The following SETBP1 variants were observed in gnomAD, a reference collection of about 807,000 sequenced individuals.
SETBP1 encodes the protein SET binding protein 1.
A neutral mutation model predicts 101.0 loss-of-function variants in SETBP1; 9 were observed. The ratio of observed to expected loss-of-function variants is 0.09; its 90% CI spans 0.05 to 0.16. SETBP1 has a LOEUF of 0.16. Among genes scored for constraint, SETBP1 ranks in the 10% least tolerant of loss-of-function variants. The pLI, the probability that SETBP1 is intolerant of heterozygous loss-of-function variation, is 1.00. For synonymous variants in SETBP1, 818 were observed against 788.5 expected (o/e 1.04, Z -0.63); for missense variants, 1,858 against 2,033.8 (o/e 0.91, Z 1.66).
chr18:44,997,884 T>C (rs988155664), intron 4 of SETBP1, among the ~76,000 whole-genome samples: 4 of 152,204 alleles, frequency 2.6e-5, no homozygotes, highest in South Asian at 2.1e-4. Context: ...ATAGTCTTAA[T>C]GCGTAGGAAC....
At chr18:45,002,062 G>A (rs368828711) in intron 4 of SETBP1, among the ~76,000 whole-genome samples, 8 of 152,168 alleles carry the variant, frequency 5.3e-5, no homozygotes, top group African/African-American at 1.2e-4. Flanking sequence ...GAAAAGCTTC[G>A]CTTCCGTACA....
chr18:44,721,277 A>C (rs1264958884), intron 2 of SETBP1, among the ~76,000 whole-genome samples: 1 of 152,216 alleles, frequency 6.6e-6, no homozygotes, highest in Non-Finnish European at 1.5e-5. Context: ...CTGGGTATGC[A>C]CAAAGGTCCT....
intron 3 of SETBP1, among the ~76,000 whole-genome samples, chr18:44,911,712 A>T (rs191841479): frequency 6.6e-6 from 1 of 152,214 alleles, no homozygotes. Flanking sequence ...GAGCTCTCCA[A>T]TGAAATCGTT....
At chr18:44,751,041 T>A (rs2070370122) in intron 2 of SETBP1, among the ~76,000 whole-genome samples, 1 of 152,124 alleles carries the variant, frequency 6.6e-6, no homozygotes, top group South Asian at 2.1e-4. Context: ...CAGCCTGGTA[T>A]TTGGGGGTCA....
intron 5 of SETBP1, among the ~76,000 whole-genome samples, chr18:45,043,741 C>A (rs553699717): frequency 4.1e-4 from 63 of 152,248 alleles, no homozygotes; most frequent in Non-Finnish European, 8.4e-4. Context: ...AGCCATCAGT[C>A]GAATCAGAAC....
intron 2 of SETBP1, among the ~76,000 whole-genome samples, chr18:44,804,628 A>G (rs906426394): frequency 6.6e-6 from 1 of 152,142 alleles, no homozygotes. Flanking sequence ...CATAATTCTC[A>G]TGGTCTATGA....
At chr18:44,998,821 G>A (rs557100313) in intron 4 of SETBP1, among the ~76,000 whole-genome samples, 34 of 152,172 alleles carry the variant, frequency 2.2e-4, no homozygotes, top group Non-Finnish European at 4.1e-4. Flanking sequence ...TGTTTTATGA[G>A]AAACAGTTCT....
In SETBP1 at chr18:44,718,850, C is replaced by T. The variant is rs781106315; in HGVS notation, c.486+17018C>T. On this transcript the variant is annotated intron_variant, in intron 2 of 5. Coordinates refer to ENST00000649279, the MANE Select transcript of SETBP1 (RefSeq NM_015559.3). ...GATACTCTATAAGCAGAAAGCACCTCGTAGTATCTCAACTAGGACAGAGGA... is the reference window on the plus strand; with the variant it reads ...GATACTCTATAAGCAGAAAGCACCTTGTAGTATCTCAACTAGGACAGAGGA... Among the ~76,000 whole-genome samples the T allele has an allele frequency of 2.6e-5, 4 of 152,002 alleles. No individual in the cohort carries two copies. In the East Asian group the frequency reaches 5.8e-4, roughly 22 times the overall value.
intron 2 of SETBP1, among the ~76,000 whole-genome samples, chr18:44,710,541 TTC>T (rs1317694828): frequency 2.1e-5 from 3 of 144,962 alleles, no homozygotes; most frequent in African/African-American, 7.7e-5. Context: ...AATTTCTGCC[TTC>T]CAGGTTGAAG....
At chr18:44,787,711 G>A (rs1243411890) in intron 2 of SETBP1, among the ~76,000 whole-genome samples, 14 of 145,606 alleles carry the variant, frequency 9.6e-5, no homozygotes, top group East Asian at 5.9e-4. Context: ...AAAATTAGCC[G>A]GGCGCGGTGG....
chr18:44,794,774 G>A (rs1300183532), intron 2 of SETBP1, among the ~76,000 whole-genome samples: 1 of 152,132 alleles, frequency 6.6e-6, no homozygotes, highest in Non-Finnish European at 1.5e-5. Context: ...TCAATAAATG[G>A]TATTGGGTAG....
At chr18:44,789,590 C>T (rs905181800) in intron 2 of SETBP1, among the ~76,000 whole-genome samples, 4 of 152,140 alleles carry the variant, frequency 2.6e-5, no homozygotes, top group African/African-American at 7.2e-5. Flanking sequence ...ATTTATATTC[C>T]TATTTGGGTA....
At chr18:44,859,502 A>G (rs962293217) in intron 2 of SETBP1, among the ~76,000 whole-genome samples, 2 of 152,200 alleles carry the variant, frequency 1.3e-5, no homozygotes, top group Admixed American at 1.3e-4. Flanking sequence ...CTATGTCCAC[A>G]TTCCAGTTCT....
At chr18:45,000,162 A>C (rs2072587975) in intron 4 of SETBP1, among the ~76,000 whole-genome samples, 1 of 152,220 alleles carries the variant, frequency 6.6e-6, no homozygotes, top group Non-Finnish European at 1.5e-5. Flanking sequence ...ATTTGGCATA[A>C]AGTTGTCTAG....
chr18:44,819,600 G>T (rs2072060220), intron 2 of SETBP1, among the ~76,000 whole-genome samples: 1 of 152,074 alleles, frequency 6.6e-6, no homozygotes, highest in African/African-American at 2.4e-5. Context: ...GCCTGCTCAT[G>T]GTCCCATGCA....
intron 3 of SETBP1, among the ~76,000 whole-genome samples, chr18:44,911,421 G>C (rs567871323): frequency 6.6e-6 from 1 of 152,102 alleles, no homozygotes; most frequent in Non-Finnish European, 1.5e-5. Flanking sequence ...CTGGTTCTTC[G>C]TCCTGCAAAT....
chr18:44,841,545 A>C (rs1786187513), intron 2 of SETBP1, among the ~76,000 whole-genome samples: 1 of 152,190 alleles, frequency 6.6e-6, no homozygotes, highest in Non-Finnish European at 1.5e-5. Context: ...AAAACCATCC[A>C]TGGCCAAACT....
intron 4 of SETBP1, among the ~76,000 whole-genome samples, chr18:45,009,066 T>A (rs932613594): frequency 2.0e-5 from 3 of 152,058 alleles, no homozygotes; most frequent in African/African-American, 7.2e-5. Context: ...TAATGAGGGC[T>A]CCTCAGAAGT....
At chr18:45,000,323 A>G (rs111311905) in intron 4 of SETBP1, among the ~76,000 whole-genome samples, 2 of 152,374 alleles carry the variant, frequency 1.3e-5, no homozygotes, top group African/African-American at 4.8e-5. Context: ...TAGGGTCACA[A>G]GGAAAAAGCA....
Sources: gnomAD v4.1 joint callset for allele counts (sites outside exome capture counted in the v4.1 genomes callset) on GRCh38, gnomAD v4.1.1 for gene constraint, MANE v1.5 for transcripts, NCBI Gene and HGNC (gene_info 2026-07-23, HGNC 2026-07-21) for gene names.